Variants in INPP5D observed in about 807,000 individuals in gnomAD.
INPP5D encodes inositol polyphosphate-5-phosphatase D.
A neutral mutation model predicts 122.9 loss-of-function variants in INPP5D; 33 were observed. The ratio of observed to expected loss-of-function variants is 0.27; its 90% CI spans 0.20 to 0.36. INPP5D has a LOEUF of 0.36. Ranked by LOEUF, INPP5D falls within the 10% of genes least tolerant of loss-of-function variation. The pLI is 1.00. For missense variants in INPP5D, 1,053 were observed against 1,412.7 expected, an observed-to-expected ratio of 0.75 and a Z score of 4.08; for synonymous variants, 584 against 576.2, an observed-to-expected ratio of 1.01 and a Z score of -0.19.
intron 2 of INPP5D, among the ~76,000 whole-genome samples, chr2:233,103,113 A>G (rs1338809284): frequency 6.6e-6 from 1 of 152,206 alleles, no homozygotes; most frequent in African/African-American, 2.4e-5. Context: ...AGGATCTTCC[A>G]TGCTGCTGCG....
intron 9 of INPP5D, among the ~76,000 whole-genome samples, chr2:233,157,839 A>G (rs1042855152): frequency 2.0e-5 from 3 of 151,996 alleles, no homozygotes; most frequent in African/African-American, 7.3e-5. Context: ...GACATTGAAG[A>G]GAGGTTGGGT....
chr2:233,162,295 T>A (rs1420382719), intron 11 of INPP5D, among the ~76,000 whole-genome samples: 1 of 150,952 alleles, frequency 6.6e-6, no homozygotes, highest in Non-Finnish European at 1.5e-5. Context: ...TTTAACTTCA[T>A]AGAAACAATT....
rs2106326215 is a variant in INPP5D at position 233,198,357 on chromosome 2, C to G, written c.2956C>G (p.Pro986Ala). ...CTCAACAGCAAACCGGGGTCTCCCT[C>G]CCAGGACACAGGAGTCAAGGTGAGC... is the stretch of plus-strand genomic sequence containing the variant. ...LPSTANRGLP[P>A]RTQESRPSDL... is the part of the protein sequence containing the mutation. Residue 986 changes from proline to alanine, a missense_variant, in exon 25 of 27, where the codon CCC becomes GCC. Coordinates refer to ENST00000445964, the MANE Select transcript of INPP5D (RefSeq NM_001017915.3). The G allele has an allele frequency of 6.2e-7, 1 of 1,612,802 alleles. No homozygotes were observed. The highest frequency in any genetic ancestry group is 8.5e-7 in the Non-Finnish European group (1 of 1,179,078).
chr2:233,116,225 G>GTAGATAGATAGATAGA (rs1553575234), intron 2 of INPP5D, among the ~76,000 whole-genome samples: 3,577 of 133,620 alleles, frequency 0.027, 105 homozygotes, highest in African/African-American at 0.057. Flanking sequence ...AGATATATAT[G>GTAGATAGATAGATAGA]TAGATAGATA....
intron 9 of INPP5D, among the ~76,000 whole-genome samples, chr2:233,156,185 G>A (rs1001919818): frequency 1.3e-5 from 2 of 152,268 alleles, no homozygotes; most frequent in African/African-American, 2.4e-5. Context: ...CAAGACAGGA[G>A]CCAGTGTGGC....
intron 17 of INPP5D, among the ~76,000 whole-genome samples, chr2:233,175,217 C>CAAAAAA (rs1220185296): frequency 2.5e-4 from 17 of 68,546 alleles, no homozygotes; most frequent in Non-Finnish European, 2.3e-4. Context: ...GACTCCATCT[C>CAAAAAA]AAAAAAAAAA....
Position 233,177,409 on chromosome 2 carries a change from G to A in INPP5D, c.2071+63G>A. Reference sequence around the variant, plus strand: ...AGAATGGCACCAAGCTGGGAGGTGTGACTGCCCTAAAATCTAAGGGCTTCA... The same window carrying A: ...AGAATGGCACCAAGCTGGGAGGTGTAACTGCCCTAAAATCTAAGGGCTTCA... On this transcript the variant is annotated intron_variant, in intron 18 of 26. Transcript: ENST00000445964. This position sits in a 1 kb window ranked among gnomAD's most constrained non-coding sequence, Gnocchi z 4.2. 2 of 1,611,474 alleles carry A rather than the reference G, an allele frequency of 1.2e-6. No individual in the cohort carries two copies. The highest frequency in any genetic ancestry group is 1.7e-5 in the Admixed American group (1 of 59,926).
chr2:233,174,771 A>G (rs1265033781), intron 17 of INPP5D, among the ~76,000 whole-genome samples: 10 of 148,702 alleles, frequency 6.7e-5, no homozygotes, highest in Admixed American at 6.1e-4. Context: ...CAGCCTGGGC[A>G]ACAGAGTGAG....
Position 233,128,869 on chromosome 2 carries a change from T to C in INPP5D, c.525-1639T>C, listed in dbSNP as rs561566748. The stretch of plus-strand genomic sequence containing the variant: ...GGCCTTTAGTTTCAATTTGATTACA[T>C]ATCAAGCCTGGAATAAAAATCTTTA... On this transcript the variant is annotated intron_variant, in intron 4 of 26. Transcript: ENST00000445964. This position sits in a 1 kb window ranked among gnomAD's most constrained non-coding sequence, Gnocchi z 4.5. Among the ~76,000 whole-genome samples, 2 of 152,294 alleles carry C rather than the reference T, an allele frequency of 1.3e-5. No individual in the cohort carries two copies. The highest frequency in any genetic ancestry group is 4.1e-4 in the South Asian group (2 of 4,830).
At chr2:233,204,816 G>GCACA in intron 26 of INPP5D, 99 bp downstream of exon 26, 2 of 1,406,392 alleles carry the variant, frequency 1.4e-6, no homozygotes, top group Non-Finnish European at 1.9e-6. Context: ...ATGTGTGTGT[G>GCACA]CACGCATGCA....
intron 9 of INPP5D, among the ~76,000 whole-genome samples, chr2:233,149,519 C>G (rs1693867976): frequency 6.6e-6 from 1 of 152,108 alleles, no homozygotes; most frequent in Non-Finnish European, 1.5e-5. Flanking sequence ...GATGCTCTGT[C>G]CCCCAGGTAT....
chr2:233,099,973 T>C (rs985011771), intron 2 of INPP5D, among the ~76,000 whole-genome samples: 6 of 152,004 alleles, frequency 3.9e-5, no homozygotes, highest in African/African-American at 1.5e-4. Context: ...GCAGTCAAAC[T>C]CCCATTTCTA....
chr2:233,202,725 G>T (rs1695371669), intron 25 of INPP5D, among the ~76,000 whole-genome samples: 1 of 152,230 alleles, frequency 6.6e-6, no homozygotes, highest in South Asian at 2.1e-4. Flanking sequence ...AGATTCTGCT[G>T]CTAGTCAGGA....
intron 5 of INPP5D, among the ~76,000 whole-genome samples, chr2:233,137,575 C>T (rs1693499711): frequency 6.6e-6 from 1 of 150,730 alleles, no homozygotes; most frequent in South Asian, 2.1e-4. Context: ...CCTGCCTCAG[C>T]CTCCTGAGTT....
intron 5 of INPP5D, chr2:233,131,103 A>G (rs546972150): frequency 7.8e-5 from 73 of 930,706 alleles, no homozygotes; most frequent in Non-Finnish European, 8.6e-5. Context: ...TCAATTTTTC[A>G]AAGGGAGATG....
intron 2 of INPP5D, among the ~76,000 whole-genome samples, chr2:233,121,584 C>T (rs1692981086): frequency 1.3e-5 from 2 of 150,364 alleles, no homozygotes; most frequent in Admixed American, 6.6e-5. Context: ...GGCGCAATCT[C>T]GGCTCACTGC....
intron 2 of INPP5D, among the ~76,000 whole-genome samples, chr2:233,102,155 G>A (rs551666357): frequency 2.0e-5 from 3 of 152,324 alleles, no homozygotes; most frequent in East Asian, 1.9e-4. Flanking sequence ...CCAGTTGGTC[G>A]TGGAGCTAAG....
Position 233,170,680 on chromosome 2 carries a change from G to A in INPP5D, c.1900+76G>A, listed in dbSNP as rs1694471157. On this transcript the variant is annotated intron_variant, in intron 16 of 26. Coordinates refer to ENST00000445964, the MANE Select transcript of INPP5D (RefSeq NM_001017915.3). The surrounding 1 kb of genome is among the most constrained non-coding windows in gnomAD (Gnocchi z 4.5). Reference sequence around the variant, plus strand: ...GCACTTTAGGAGGCCGAGGCGGGCGGATCACGAGATCAGGAGATGGAGACC... The same window carrying A: ...GCACTTTAGGAGGCCGAGGCGGGCGAATCACGAGATCAGGAGATGGAGACC... 3.9e-6 allele frequency: 6 copies of A among 1,551,084 alleles called. No homozygotes were observed. The Admixed American group carries it at 9.0e-5, about 23-fold the overall frequency.
rs773888093 is a variant in INPP5D, at chr2:233,146,460, G to C, written c.906+22G>C. The stretch of plus-strand genomic sequence containing the variant: ...TGAGGTAAGTGGCCATGGGACAGCA[G>C]AGCCTGGGCTTGGGCTCCACAGCTG... On this transcript the variant is annotated intron_variant, in intron 8 of 26. Transcript: ENST00000445964. The C allele has an allele frequency of 3.4e-5, 24 of 703,560 alleles. No individual in the cohort carries two copies. In the African/African-American group the frequency reaches 3.7e-4, roughly 11 times the overall value. 43.6% of individuals were successfully genotyped at this position (703,560 alleles called of 1,614,324 possible).
Sources: allele counts gnomAD v4.1 joint callset (sites outside exome capture counted in the v4.1 genomes callset), GRCh38; gene constraint gnomAD v4.1.1; non-coding constraint Gnocchi (gnomAD v3.1); transcripts MANE v1.5; gene names NCBI Gene and HGNC (gene_info 2026-07-23, HGNC 2026-07-21).